The following TEKT5 variants were observed in gnomAD, a reference collection of about 807,000 sequenced individuals.
TEKT5 encodes the protein tektin-5.
A neutral mutation model predicts 48.7 loss-of-function variants in TEKT5; 52 were observed. The ratio of observed to expected loss-of-function variants is 1.07; its 90% CI spans 0.86 to 1.35. The LOEUF (loss-of-function observed/expected upper bound fraction) is 1.35. Ranked by LOEUF, TEKT5 falls within the 40% of genes most tolerant of loss-of-function variation. TEKT5 has a pLI of 0.00. For synonymous variants in TEKT5, 318 were observed against 267.6 expected, an observed-to-expected ratio of 1.19 and a Z score of -1.84; for missense variants, 831 against 641.6, an observed-to-expected ratio of 1.30 and a Z score of -3.19.
intron 5 of TEKT5, among the ~76,000 whole-genome samples, chr16:10,654,485 C>T (rs537436256): frequency 1.3e-5 from 2 of 152,216 alleles, no homozygotes; most frequent in Admixed American, 1.3e-4. Context: ...AAGAAACTAA[C>T]GTTTGAATTG....
At chr16:10,653,749 C>T (rs1404308016) in intron 5 of TEKT5, among the ~76,000 whole-genome samples, 1 of 152,078 alleles carries the variant, frequency 6.6e-6, no homozygotes, top group East Asian at 1.9e-4. Flanking sequence ...CCCGTCTCTA[C>T]TAAAAACACA....
At chr16:10,686,117 A>C (rs1898858307) in intron 3 of TEKT5, among the ~76,000 whole-genome samples, 1 of 152,228 alleles carries the variant, frequency 6.6e-6, no homozygotes, top group African/African-American at 2.4e-5. Flanking sequence ...AGAACAGAAT[A>C]GAGAGCCCAG....
In TEKT5 at chr16:10,688,708, G is replaced by A. The variant is rs563394292; in HGVS notation, c.719+545C>T. Among the ~76,000 whole-genome samples, 9 of 152,336 alleles carry A rather than the reference G, an allele frequency of 5.9e-5. No homozygotes were observed. The East Asian group carries it at 1.5e-3, about 26-fold the overall frequency. On this transcript the variant is annotated intron_variant, in intron 3 of 6. Coordinates refer to ENST00000283025, the MANE Select transcript of TEKT5 (RefSeq NM_144674.2). ...CTTAAGTCTCCCTTTAATTATGTGA[G>A]GGGCCCCCAGGCTTGTCGGGATACT...
chr16:10,628,295 A>G (rs1567222528), intron 6 of TEKT5, among the ~76,000 whole-genome samples: 1 of 152,230 alleles, frequency 6.6e-6, no homozygotes, highest in Non-Finnish European at 1.5e-5. Context: ...AATACACAAG[A>G]GAACTGTCAA....
chr16:10,687,289 ACACACGTAATTTC>A (rs1269279370), intron 3 of TEKT5, among the ~76,000 whole-genome samples: 1 of 152,244 alleles, frequency 6.6e-6, no homozygotes, highest in Non-Finnish European at 1.5e-5. Flanking sequence ...GTTTTGAAAT[ACACACGTAATTTC>A]AGAACATCAT....
intron 1 of TEKT5, among the ~76,000 whole-genome samples, chr16:10,692,221 G>A (rs1181643318): frequency 6.6e-6 from 1 of 152,188 alleles, no homozygotes; most frequent in Admixed American, 6.5e-5. Context: ...AAGAGAATGG[G>A]AGGGAGAGCA....
intron 4 of TEKT5, among the ~76,000 whole-genome samples, chr16:10,680,789 C>T (rs1028222090): frequency 1.3e-4 from 18 of 138,392 alleles, no homozygotes; most frequent in Non-Finnish European, 2.6e-4. Flanking sequence ...TATTCTCACT[C>T]ATAGGTGGGA....
At chr16:10,652,430 A>ATG (rs1386015802) in intron 5 of TEKT5, among the ~76,000 whole-genome samples, 4 of 113,132 alleles carry the variant, frequency 3.5e-5, no homozygotes, top group African/African-American at 6.9e-5. Flanking sequence ...CAGGTACAGC[A>ATG]ATCCCTTATA....
intron 5 of TEKT5, among the ~76,000 whole-genome samples, chr16:10,668,899 G>A (rs1898506544): frequency 6.6e-6 from 1 of 151,916 alleles, no homozygotes; most frequent in Non-Finnish European, 1.5e-5. Flanking sequence ...AATAGGGAGT[G>A]GTGGGGTCTG....
chr16:10,639,857 C>A (rs74007194), intron 5 of TEKT5, among the ~76,000 whole-genome samples: 2,081 of 152,334 alleles, frequency 0.014, 55 homozygotes, highest in African/African-American at 0.048. Flanking sequence ...CTGTCCCCTT[C>A]TGTGTCCCCT....
intron 5 of TEKT5, among the ~76,000 whole-genome samples, chr16:10,674,432 G>C (rs575683636): frequency 1.5e-3 from 231 of 151,954 alleles, no homozygotes; most frequent in African/African-American, 5.4e-3. Flanking sequence ...CCAGGAGTTT[G>C]AGACCAGCCT....
intron 6 of TEKT5, among the ~76,000 whole-genome samples, chr16:10,632,908 ACACACG>A (rs1457647365): frequency 6.8e-6 from 1 of 147,562 alleles, no homozygotes; most frequent in African/African-American, 2.5e-5. Flanking sequence ...ACACACACAC[ACACACG>A]GCCCGGCTCC....
chr16:10,628,427 G>T (rs1375584904), intron 6 of TEKT5, among the ~76,000 whole-genome samples: 1 of 152,144 alleles, frequency 6.6e-6, no homozygotes, highest in African/African-American at 2.4e-5. Context: ...CCGCTCCCGG[G>T]TATATACCCA....
rs1253197378 is a variant in TEKT5, at chr16:10,682,086, C to G, written c.770G>C (p.Ser257Thr). 6.2e-7 allele frequency: 1 copy of G among 1,614,192 alleles called. No homozygotes were observed. ...CTTCTCATCGATACACTGGGCCGAG[C>G]TTTTGTCTTCGAGGTCCCTCTCCAG... is the stretch of plus-strand genomic sequence containing the variant. ...HVLERDLEDK[S>T]SAQCIDEKCF... Residue 257 changes from serine to threonine, a missense_variant, in exon 4 of 7, where the codon AGC becomes ACC. By Grantham distance (58) the Ser-to-Thr change is moderately conservative. Coordinates refer to ENST00000283025, the MANE Select transcript of TEKT5 (RefSeq NM_144674.2).
intron 1 of TEKT5, among the ~76,000 whole-genome samples, chr16:10,692,011 A>G (rs1238383415): frequency 6.6e-6 from 1 of 151,522 alleles, no homozygotes; most frequent in Non-Finnish European, 1.5e-5. Context: ...TGGCTGCTGT[A>G]AGGACAATGG....
At chr16:10,694,083 T>G (rs192774980) in intron 1 of TEKT5, among the ~76,000 whole-genome samples, 1 of 152,108 alleles carries the variant, frequency 6.6e-6, no homozygotes. Flanking sequence ...CCCTGCAACT[T>G]TGATGTAGCT....
intron 5 of TEKT5, among the ~76,000 whole-genome samples, chr16:10,673,463 T>C (rs973849883): frequency 6.6e-6 from 1 of 152,064 alleles, no homozygotes; most frequent in African/African-American, 2.4e-5. Flanking sequence ...AGAGGATTAG[T>C]AGGAAAATAG....
intron 5 of TEKT5, among the ~76,000 whole-genome samples, chr16:10,636,569 A>G (rs1244956745): frequency 2.0e-5 from 3 of 151,864 alleles, no homozygotes; most frequent in African/African-American, 4.8e-5. Flanking sequence ...GAAGAGGGAG[A>G]GGAAGGGAAG....
chr16:10,676,165 T>G lies in TEKT5; in HGVS notation c.880A>C (p.Thr294Pro). The change falls in exon 5 of 7, where the codon ACC becomes CCC. Residue 294 changes from threonine (T) to proline (P), a missense_variant. Transcript: ENST00000283025. ...TTGTCGTTACTGAACTTGGCCCAGG[T>G]CTCAGGTACGGAGATCCTGCAAAGG... ...KIDGTISVPETWAKFSNDNIK... is the reference protein window; with the variant it reads ...KIDGTISVPEPWAKFSNDNIK... 1 of 1,614,164 alleles carries G rather than the reference T, an allele frequency of 6.2e-7. No homozygotes were observed.
Sources: allele counts gnomAD v4.1 joint callset (sites outside exome capture counted in the v4.1 genomes callset), GRCh38; gene constraint gnomAD v4.1.1; transcripts MANE v1.5; gene names NCBI Gene and HGNC (gene_info 2026-07-23, HGNC 2026-07-21).